AGO3: variants seen among roughly 807,000 people sequenced by gnomAD.
AGO3 encodes the protein argonaute RISC catalytic component 3.
In AGO3, 16 loss-of-function variants were observed where a neutral mutation model predicts 105.5. That is an observed-to-expected ratio of 0.15 (90% CI 0.10 to 0.23). AGO3 has a LOEUF of 0.23. AGO3 is among the 10% of genes least tolerant of loss of function. The pLI is 1.00. For missense variants in AGO3, 534 were observed against 1,088.0 expected (o/e 0.49, Z 7.16); for synonymous variants, 340 against 367.3 (o/e 0.93, Z 0.85).
At chr1:35,978,435 G>A (rs1018763284) in intron 5 of AGO3, among the ~76,000 whole-genome samples, 3 of 152,112 alleles carry the variant, frequency 2.0e-5, no homozygotes, top group Non-Finnish European at 2.9e-5. Flanking sequence ...CAGGTGATCC[G>A]CCTCCCTCCG....
At chr1:36,034,615 G>C (rs79961253) in intron 13 of AGO3, among the ~76,000 whole-genome samples, 2,321 of 152,320 alleles carry the variant, frequency 0.015, 49 homozygotes, top group African/African-American at 0.053. Context: ...GTACACTCCA[G>C]AGGGTGGGAG....
intron 11 of AGO3, among the ~76,000 whole-genome samples, chr1:36,022,062 C>CTTTTT (rs34538981): frequency 2.7e-5 from 3 of 110,292 alleles, no homozygotes; most frequent in African/African-American, 3.5e-5. Context: ...AGTTGGGGGC[C>CTTTTT]TTTTTTTTTT....
At chr1:35,989,367 A>G (rs1243513057) in intron 5 of AGO3, among the ~76,000 whole-genome samples, 1 of 152,204 alleles carries the variant, frequency 6.6e-6, no homozygotes, top group Non-Finnish European at 1.5e-5. Context: ...TTTTGTTTAC[A>G]TTTCAACATC....
chr1:36,040,163 A>G, intron 15 of AGO3, 144 bp from the exon 16 acceptor site: 1 of 1,166,932 alleles, frequency 8.6e-7, no homozygotes, highest in South Asian at 1.6e-5. Context: ...TGCTAAGACC[A>G]TGTTCTAATA....
At chr1:36,048,671 T>C (rs2148858703) in intron 17 of AGO3, among the ~76,000 whole-genome samples, 1 of 152,262 alleles carries the variant, frequency 6.6e-6, no homozygotes, top group East Asian at 1.9e-4. Context: ...GGTAAACAAA[T>C]TAAATTGCCC....
chr1:35,978,276 G>A (rs1185392552), intron 5 of AGO3, among the ~76,000 whole-genome samples: 1 of 151,940 alleles, frequency 6.6e-6, no homozygotes, highest in Non-Finnish European at 1.5e-5. Context: ...TGCAACCTCC[G>A]CCTCCCTGGT....
chr1:36,032,931 C>A (rs1641848180), intron 12 of AGO3, among the ~76,000 whole-genome samples: 2 of 151,838 alleles, frequency 1.3e-5, no homozygotes, highest in African/African-American at 4.8e-5. Flanking sequence ...TCAAGACCAG[C>A]CTGGCCAATG....
At chr1:36,037,309 G>C (rs1035635423) in intron 14 of AGO3, among the ~76,000 whole-genome samples, 1 of 152,036 alleles carries the variant, frequency 6.6e-6, no homozygotes, top group African/African-American at 2.4e-5. Context: ...ATCGCTTGAC[G>C]TCAGGAGTTC....
chr1:36,017,908 A>G (rs541859289), intron 11 of AGO3, among the ~76,000 whole-genome samples: 10 of 152,196 alleles, frequency 6.6e-5, no homozygotes, highest in Non-Finnish European at 1.3e-4. Flanking sequence ...GTCTCCAAAA[A>G]GGAAAAAACA....
intron 11 of AGO3, among the ~76,000 whole-genome samples, chr1:36,018,927 C>T (rs1435260435): frequency 1.3e-5 from 2 of 151,856 alleles, no homozygotes; most frequent in South Asian, 2.1e-4. Context: ...ATCTGCTTCT[C>T]GGGAGAAACT....
intron 17 of AGO3, among the ~76,000 whole-genome samples, chr1:36,054,254 CTATTT>C (rs1642838994): frequency 6.6e-6 from 1 of 152,232 alleles, no homozygotes; most frequent in Non-Finnish European, 1.5e-5. Flanking sequence ...CTTTACTTTT[CTATTT>C]TATTTTATTT....
intron 5 of AGO3, among the ~76,000 whole-genome samples, chr1:35,985,644 T>G (rs1251201224): frequency 6.6e-6 from 1 of 152,244 alleles, no homozygotes; most frequent in Non-Finnish European, 1.5e-5. Context: ...CAAAATTTAT[T>G]TCTAGGTGAA....
At chr1:36,044,400 T>G (rs1257356591) in intron 17 of AGO3, among the ~76,000 whole-genome samples, 1 of 151,838 alleles carries the variant, frequency 6.6e-6, no homozygotes, top group Admixed American at 6.6e-5. Context: ...TTTTTTTTGT[T>G]GTTGTTGTTG....
At chr1:35,966,746 T>G (rs1646782285) in intron 2 of AGO3, among the ~76,000 whole-genome samples, 1 of 152,218 alleles carries the variant, frequency 6.6e-6, no homozygotes, top group African/African-American at 2.4e-5. Context: ...CGCTTCATTC[T>G]TCTCTGTCTA....
At chr1:35,956,178 A>G (rs1157820208) in intron 2 of AGO3, among the ~76,000 whole-genome samples, 1 of 152,216 alleles carries the variant, frequency 6.6e-6, no homozygotes, top group Non-Finnish European at 1.5e-5. Flanking sequence ...GATGGAGGGC[A>G]TAGATGGAAG....
chr1:35,987,748 C>CA (rs1451221294), intron 5 of AGO3, among the ~76,000 whole-genome samples: 5 of 146,296 alleles, frequency 3.4e-5, no homozygotes, highest in East Asian at 2.0e-4. Flanking sequence ...CATTGGGAGG[C>CA]AAAAAAATAA....
chr1:35,997,235 T>C (rs917140230), intron 5 of AGO3, among the ~76,000 whole-genome samples: 1 of 151,300 alleles, frequency 6.6e-6, no homozygotes, highest in African/African-American at 2.4e-5. Flanking sequence ...ACTGAGATCA[T>C]GCCACTGCAC....
At chr1:36,035,280 G>A (rs941421589) in intron 13 of AGO3, among the ~76,000 whole-genome samples, 5 of 152,208 alleles carry the variant, frequency 3.3e-5, no homozygotes, top group East Asian at 3.9e-4. Context: ...TGTGCCTGTC[G>A]TTCCAGCTAC....
chr1:36,047,544 C>T (rs1157454086), intron 17 of AGO3, among the ~76,000 whole-genome samples: 2 of 151,772 alleles, frequency 1.3e-5, no homozygotes, highest in Non-Finnish European at 2.9e-5. Context: ...ATGGGAGTTC[C>T]AGAAGGAGAA....
Sources: allele counts gnomAD v4.1 joint callset (sites outside exome capture counted in the v4.1 genomes callset), GRCh38; gene constraint gnomAD v4.1.1; transcripts MANE v1.5; gene names NCBI Gene and HGNC (gene_info 2026-07-23, HGNC 2026-07-21).